TRIM35: variants seen among roughly 807,000 people sequenced by gnomAD.
The protein encoded by TRIM35 is tripartite motif containing 35, also known as E3 ubiquitin-protein ligase TRIM35.
In TRIM35, 37 loss-of-function variants were observed where a neutral mutation model predicts 49.1. The observed-to-expected ratio is 0.75, with a 90% confidence interval of 0.58 to 0.99. The LOEUF (loss-of-function observed/expected upper bound fraction) is 0.99, where lower values mean the gene tolerates loss of function less well. Ranked by LOEUF, TRIM35 falls within the 50% of genes least tolerant of loss-of-function variation. The pLI is 0.00. For synonymous variants in TRIM35, 302 were observed against 289.3 expected, an observed-to-expected ratio of 1.04 and a Z score of -0.45; for missense variants, 648 against 702.7, an observed-to-expected ratio of 0.92 and a Z score of 0.88.
At chr8:27,309,093 G>A (rs984811050) in intron 1 of TRIM35, among the ~76,000 whole-genome samples, 4 of 152,198 alleles carry the variant, frequency 2.6e-5, no homozygotes, top group Admixed American at 2.6e-4. Context: ...CTGGGACCTT[G>A]CAGTACCAGG....
At chr8:27,299,313 T>G (rs945890714) in intron 1 of TRIM35, among the ~76,000 whole-genome samples, 3 of 152,174 alleles carry the variant, frequency 2.0e-5, no homozygotes, top group Non-Finnish European at 4.4e-5. Context: ...CATTATCCTT[T>G]TCGATCTACA....
At chr8:27,303,395 C>T (rs1427996846) in intron 1 of TRIM35, among the ~76,000 whole-genome samples, 1 of 152,100 alleles carries the variant, frequency 6.6e-6, no homozygotes, top group African/African-American at 2.4e-5. Flanking sequence ...CCCTTCTGTG[C>T]ATCTAGTGGT....
chr8:27,298,160 G>C (rs1240072518), intron 2 of TRIM35, among the ~76,000 whole-genome samples: 2 of 152,238 alleles, frequency 1.3e-5, no homozygotes, highest in African/African-American at 4.8e-5. Flanking sequence ...ATGAGTCCCA[G>C]GTCATCATTG....
In TRIM35 at chr8:27,290,123, T is replaced by C. The variant is rs747394912; in HGVS notation, c.785+33A>G. The C allele has an allele frequency of 3.7e-6, 6 of 1,613,810 alleles. 1 individual carries two copies. In the South Asian group the frequency reaches 6.6e-5, roughly 18 times the overall value. On this transcript the variant is annotated intron_variant, in intron 4 of 5. Coordinates refer to ENST00000305364, the MANE Select transcript of TRIM35 (RefSeq NM_171982.5). ...GCACCCCTGGTATTTCTGCCCACTC[T>C]TCCCCTCCCCTCCACCAGCTTTGGC...
Position 27,287,939 on chromosome 8 carries a change from G to GC in TRIM35, c.1092dup (p.Leu365AlafsTer18). ...ACCACGCCCACCCTCCAGCTCTGCA[G>GC]CCCCCCAAGGGCCACCTCCCAGGCG... On this transcript the variant is annotated frameshift_variant, in exon 6 of 6. Transcript: ENST00000305364. LOFTEE classifies it high-confidence loss of function. This position sits in a 1 kb window ranked among gnomAD's most constrained non-coding sequence, Gnocchi z 6.0. 6.2e-7 allele frequency: 1 copy of GC among 1,613,000 alleles called. No homozygotes were observed.
intron 1 of TRIM35, among the ~76,000 whole-genome samples, chr8:27,307,900 G>A (rs576540909): frequency 6.6e-6 from 1 of 152,304 alleles, no homozygotes; most frequent in South Asian, 2.1e-4. Flanking sequence ...ATCTTGTATG[G>A]CAAAAGGGAC....
Position 27,310,638 on chromosome 8 carries a change from A to C in TRIM35, c.435+163T>G, listed in dbSNP as rs557670534. 5.9e-5 allele frequency among the ~76,000 whole-genome samples: 9 copies of C among 152,360 alleles called. No homozygotes were observed. The East Asian group carries it at 1.7e-3, about 29-fold the overall frequency. The stretch of plus-strand genomic sequence containing the variant: ...GCCCCTGGGCCGACCTTGAAGAAGC[A>C]GCCAGCCCTGAGAACCTGGGTCGGA... On this transcript the variant is annotated intron_variant, in intron 1 of 5. Coordinates refer to ENST00000305364, the MANE Select transcript of TRIM35 (RefSeq NM_171982.5).
At chr8:27,296,832 G>T (rs532824084) in intron 2 of TRIM35, among the ~76,000 whole-genome samples, 1 of 152,176 alleles carries the variant, frequency 6.6e-6, no homozygotes, top group Non-Finnish European at 1.5e-5. Flanking sequence ...CTCTGACATC[G>T]GATGACAAAA....
intron 2 of TRIM35, among the ~76,000 whole-genome samples, chr8:27,297,742 T>G (rs772569803): frequency 1.3e-5 from 2 of 152,254 alleles, no homozygotes; most frequent in Non-Finnish European, 2.9e-5. Context: ...GAGATTTTAA[T>G]GGCAAAGATG....
intron 3 of TRIM35, among the ~76,000 whole-genome samples, chr8:27,292,557 T>G (rs1048350778): frequency 7.9e-5 from 12 of 152,238 alleles, no homozygotes; most frequent in African/African-American, 2.4e-4. Flanking sequence ...GGTTACATGT[T>G]ATATAATTCC....
chr8:27,309,825 A>AT (rs926049892), intron 1 of TRIM35, among the ~76,000 whole-genome samples: 13 of 146,876 alleles, frequency 8.9e-5, no homozygotes, highest in Admixed American at 7.5e-4. Flanking sequence ...TCTACTAGAA[A>AT]TTAAAAAAAA....
At chr8:27,290,086 C>T in intron 4 of TRIM35, 70 bp downstream of exon 4, 2 of 1,585,276 alleles carry the variant, frequency 1.3e-6, no homozygotes, top group South Asian at 1.1e-5. Flanking sequence ...TGCCCCGGGG[C>T]CACTGGAGTT....
chr8:27,301,172 T>C (rs1300953275), intron 1 of TRIM35, among the ~76,000 whole-genome samples: 2 of 152,240 alleles, frequency 1.3e-5, no homozygotes, highest in Non-Finnish European at 2.9e-5. Flanking sequence ...CTATTAAGCA[T>C]GTACTAGACA....
chr8:27,308,614 C>G (rs989057354), intron 1 of TRIM35, among the ~76,000 whole-genome samples: 12 of 152,152 alleles, frequency 7.9e-5, no homozygotes, highest in African/African-American at 2.7e-4. Context: ...GTCTATGCCC[C>G]CTGCTCAAAT....
At chr8:27,301,592 A>G (rs1248838736) in intron 1 of TRIM35, among the ~76,000 whole-genome samples, 2 of 152,220 alleles carry the variant, frequency 1.3e-5, no homozygotes, top group East Asian at 1.9e-4. Context: ...TTTATTATAT[A>G]TACACAATGT....
At position 27,287,750 on chromosome 8, in the gene TRIM35, G is replaced by C. The variant is rs1586041030; in HGVS notation, c.1282C>G (p.Leu428Val). The C allele has an allele frequency of 6.2e-7, 1 of 1,610,308 alleles. No homozygotes were observed. ...SPLVLAIPRR[L>V]RVELECEEGE... The stretch of plus-strand genomic sequence containing the variant: ...TCCTCACACTCCAGCTCCACACGCA[G>C]GCGGCGTGGGATGGCCAGGACCAGG... The change falls in exon 6 of 6, where the codon CTG becomes GTG. Residue 428 changes from leucine to valine, a missense_variant. By Grantham distance (32) the Leu-to-Val change is conservative. Coordinates refer to ENST00000305364, the MANE Select transcript of TRIM35 (RefSeq NM_171982.5). The surrounding 1 kb of genome is among the most constrained non-coding windows in gnomAD (Gnocchi z 6.0).
chr8:27,297,490 T>C (rs1414639443), intron 2 of TRIM35, among the ~76,000 whole-genome samples: 2 of 152,222 alleles, frequency 1.3e-5, no homozygotes, highest in Non-Finnish European at 2.9e-5. Context: ...ACCTACCCAC[T>C]TCACTCATTC....
At position 27,306,793 on chromosome 8, in the gene TRIM35, C is replaced by T. The variant is rs562868763; in HGVS notation, c.435+4008G>A. On this transcript the variant is annotated intron_variant, in intron 1 of 5. Transcript: ENST00000305364. The stretch of plus-strand genomic sequence containing the variant: ...CCAGAGCTCTTCAGAGAAATTTGGG[C>T]GGATTAAGTAGTCACTTGGAACAGA... Among the ~76,000 whole-genome samples the T allele has an allele frequency of 9.9e-5, 15 of 152,232 alleles. 1 individual carries two copies. The highest frequency in any genetic ancestry group is 6.2e-4 in the South Asian group (3 of 4,830).
At chr8:27,309,488 C>G (rs185772256) in intron 1 of TRIM35, among the ~76,000 whole-genome samples, 1 of 152,080 alleles carries the variant, frequency 6.6e-6, no homozygotes, top group East Asian at 1.9e-4. Context: ...AACAGACTTC[C>G]GTATTTAAAA....
Sources: gnomAD v4.1 joint callset for allele counts (sites outside exome capture counted in the v4.1 genomes callset) on GRCh38, gnomAD v4.1.1 for gene constraint, Gnocchi (gnomAD v3.1) non-coding constraint, MANE v1.5 for transcripts, NCBI Gene and HGNC (gene_info 2026-07-23, HGNC 2026-07-21) for gene names.